ZSCAN25: variants seen among roughly 807,000 people sequenced by gnomAD.
ZSCAN25 encodes the protein zinc finger and SCAN domain containing 25.
ZSCAN25 carries 27 observed loss-of-function variants against 38.7 expected under a neutral mutation model. That is an observed-to-expected ratio of 0.70 (90% CI 0.51 to 0.96). The LOEUF (loss-of-function observed/expected upper bound fraction) is 0.96, where lower values mean the gene tolerates loss of function less well. Among genes scored for constraint, ZSCAN25 ranks in the 40% least tolerant of loss-of-function variants. The probability of loss-of-function intolerance (pLI) is 0.00; values close to 1 mark genes in which losing one functional copy is unlikely to be tolerated. For synonymous variants in ZSCAN25, 273 were observed against 277.7 expected (o/e 0.98, Z 0.17); for missense variants, 637 against 705.9 (o/e 0.90, Z 1.11).
chr7:99,630,261 C>T lies in ZSCAN25; in HGVS notation c.*241C>T, dbSNP rs1027378816. On this transcript the variant is annotated 3_prime_UTR_variant, in exon 8 of 8. Coordinates refer to ENST00000394152, the MANE Select transcript of ZSCAN25 (RefSeq NM_145115.3). ...TTGAGGGAAGCAGTCTCCTGCGGTT[C>T]AGTTCAGGCTGAGATTTTCTCCTTC... 15 of 1,315,288 alleles carry T rather than the reference C, an allele frequency of 1.1e-5. No individual in the cohort carries two copies. Among genetic ancestry groups the T allele is most frequent in the Middle Eastern group, 2.8e-4 (1 of 3,520 alleles). 81.5% of individuals were successfully genotyped at this position (1,315,288 alleles called of 1,614,324 possible). A position where few individuals can be genotyped will look rare whatever the true frequency, so the allele number is the denominator to read the frequency against.
chr7:99,649,084 A>T, the ZSCAN25 span, among the ~76,000 whole-genome samples: 1,840 of 152,288 alleles, frequency 0.012, 15 homozygotes, highest in Middle Eastern at 0.068. Context: ...ATCTCAGTTC[A>T]GTGAGGGGAA....
chr7:99,655,741 T>C, the ZSCAN25 span, among the ~76,000 whole-genome samples: 4 of 152,158 alleles, frequency 2.6e-5, no homozygotes, highest in Non-Finnish European at 4.4e-5. Context: ...TGTTTGTATC[T>C]TCTTTTATTT....
chr7:99,669,823 T>C, the ZSCAN25 span, among the ~76,000 whole-genome samples: 1 of 152,352 alleles, frequency 6.6e-6, no homozygotes, highest in African/African-American at 2.4e-5. Flanking sequence ...TCTTTGTCCT[T>C]TGTAAACATA....
chr7:99,706,268 A>G, the ZSCAN25 span, among the ~76,000 whole-genome samples: 1 of 152,130 alleles, frequency 6.6e-6, no homozygotes, highest in African/African-American at 2.4e-5. Context: ...TCTGATCTCC[A>G]TGGAGTGATG....
intron 4 of ZSCAN25, 47 bp downstream of exon 4, chr7:99,620,040 G>T: frequency 6.5e-7 from 1 of 1,529,510 alleles, no homozygotes; most frequent in Admixed American, 2.1e-5. Context: ...CGTGGGCAGG[G>T]AATGTTAAAG....
At chr7:99,666,416 C>T in the ZSCAN25 span, among the ~76,000 whole-genome samples, 1 of 152,160 alleles carries the variant, frequency 6.6e-6, no homozygotes, top group Non-Finnish European at 1.5e-5. Flanking sequence ...AGAGAAGGCC[C>T]TTTTCCCTTG....
the ZSCAN25 span, among the ~76,000 whole-genome samples, chr7:99,655,081 C>A: frequency 2.2e-4 from 33 of 152,168 alleles, no homozygotes; most frequent in Middle Eastern, 3.4e-3. Context: ...TCTTTAGTTT[C>A]ATTAGATCCC....
At chr7:99,705,293 T>A in the ZSCAN25 span, 2 of 540,862 alleles carry the variant, frequency 3.7e-6, no homozygotes, top group Non-Finnish European at 6.4e-6. Flanking sequence ...CCAGCACTGA[T>A]TTGGTCATCT....
At chr7:99,691,685 A>G in the ZSCAN25 span, among the ~76,000 whole-genome samples, 1 of 151,996 alleles carries the variant, frequency 6.6e-6, no homozygotes, top group Non-Finnish European at 1.5e-5. Flanking sequence ...TGTTGGTTTA[A>G]AGTCTATTTT....
the ZSCAN25 span, among the ~76,000 whole-genome samples, chr7:99,719,594 C>T: frequency 3.5e-5 from 2 of 56,964 alleles, no homozygotes; most frequent in East Asian, 8.1e-4. Context: ...AAAGCACAAT[C>T]CATAAAAAAA....
At chr7:99,717,861 C>T in the ZSCAN25 span, among the ~76,000 whole-genome samples, 22 of 152,304 alleles carry the variant, frequency 1.4e-4, no homozygotes, top group African/African-American at 5.3e-4. Flanking sequence ...CATGCAAATT[C>T]TCCACATGGT....
chr7:99,657,207 C>G, the ZSCAN25 span, among the ~76,000 whole-genome samples: 1 of 152,198 alleles, frequency 6.6e-6, no homozygotes, highest in Non-Finnish European at 1.5e-5. Context: ...CCTGCTTTCT[C>G]TTGTAGGCAT....
the ZSCAN25 span, among the ~76,000 whole-genome samples, chr7:99,642,541 G>GTCAT: frequency 6.6e-6 from 1 of 152,196 alleles, no homozygotes; most frequent in Non-Finnish European, 1.5e-5. Flanking sequence ...GCTCAGCCTA[G>GTCAT]TCACCCCCAG....
chr7:99,631,180 C>T lies in ZSCAN25; in HGVS notation c.*1160C>T. 2 of 985,452 alleles carry T rather than the reference C, an allele frequency of 2.0e-6. No homozygotes were observed. The highest frequency in any genetic ancestry group is 2.4e-6 in the Non-Finnish European group (2 of 829,940). The allele number at this position is 985,452 out of a possible 1,614,324, so 61.0% of individuals were successfully genotyped here. ...CCTGTATTCATTGCTTTGTCAGCATCTTGCCCTGAAATGCATTTGTCACCT... is the reference window on the plus strand; with the variant it reads ...CCTGTATTCATTGCTTTGTCAGCATTTTGCCCTGAAATGCATTTGTCACCT... On this transcript the variant is annotated 3_prime_UTR_variant, in exon 8 of 8. Transcript: ENST00000394152.
At chr7:99,715,553 G>T in the ZSCAN25 span, 8 of 844,462 alleles carry the variant, frequency 9.5e-6, no homozygotes, top group Admixed American at 2.1e-4. Flanking sequence ...TCTGGCAGGG[G>T]GTTGATAGCT....
At chr7:99,626,865 TCA>T (rs1344414177) in intron 7 of ZSCAN25, among the ~76,000 whole-genome samples, 1 of 152,208 alleles carries the variant, frequency 6.6e-6, no homozygotes, top group Admixed American at 6.5e-5. Flanking sequence ...TTTCCCATGA[TCA>T]CACAGCAATT....
the ZSCAN25 span, among the ~76,000 whole-genome samples, chr7:99,697,630 A>C: frequency 6.6e-6 from 1 of 152,246 alleles, no homozygotes; most frequent in Non-Finnish European, 1.5e-5. Flanking sequence ...TTTCTCTTCT[A>C]TAATGGGTAG....
At chr7:99,672,476 C>A in the ZSCAN25 span, 924 of 984,052 alleles carry the variant, frequency 9.4e-4, 4 homozygotes, top group Middle Eastern at 6.0e-3. Context: ...TGGAACCTTC[C>A]TGTACATTTT....
chr7:99,732,636 A>T, the ZSCAN25 span, among the ~76,000 whole-genome samples: 1 of 152,084 alleles, frequency 6.6e-6, no homozygotes, highest in Admixed American at 6.5e-5. Flanking sequence ...GAGGTTACTG[A>T]GGGGTGGAAG....
Sources: allele counts gnomAD v4.1 joint callset (sites outside exome capture counted in the v4.1 genomes callset), GRCh38; gene constraint gnomAD v4.1.1; transcripts MANE v1.5; gene names NCBI Gene and HGNC (gene_info 2026-07-23, HGNC 2026-07-21).